Variants in NAALAD2 observed in about 807,000 individuals in gnomAD.
NAALAD2 encodes the protein N-acetylated-alpha-linked acidic dipeptidase 2.
In NAALAD2, 89 loss-of-function variants were observed where a neutral mutation model predicts 95.6. The observed-to-expected ratio is 0.93, with a 90% CI of 0.78 to 1.11. The LOEUF (loss-of-function observed/expected upper bound fraction) is 1.11. NAALAD2 is among the 50% of genes least tolerant of loss of function. NAALAD2 has a pLI of 0.00. For missense variants in NAALAD2, 894 were observed against 872.4 expected, an observed-to-expected ratio of 1.02 and a Z score of -0.31; for synonymous variants, 264 against 294.4, an observed-to-expected ratio of 0.90 and a Z score of 1.06.
At chr11:90,150,440 T>G in intron 4 of NAALAD2, 42 bp from the exon 5 acceptor site, 1 of 1,314,772 alleles carries the variant, frequency 7.6e-7, no homozygotes. Context: ...TTTTTTTTTC[T>G]TTAATTTTAG....
At chr11:90,154,414 C>A (rs1471608857) in intron 6 of NAALAD2, among the ~76,000 whole-genome samples, 1 of 151,874 alleles carries the variant, frequency 6.6e-6, no homozygotes, top group Non-Finnish European at 1.5e-5. Flanking sequence ...CATATGTTAT[C>A]ATTTACTTTT....
chr11:90,152,166 G>T (rs1951904630), intron 5 of NAALAD2, 132 bp from the exon 6 acceptor site: 1 of 767,906 alleles, frequency 1.3e-6, no homozygotes, highest in Non-Finnish European at 1.9e-6. Context: ...AAAGCCAAGA[G>T]AACTGAATGT....
At chr11:90,131,964 A>G (rs929555675), upstream of NAALAD2, 5 of 152,240 alleles carry the variant, frequency 3.3e-5, no homozygotes, top group African/African-American at 1.2e-4. Context: ...CCCTACGTCA[A>G]CAGTGTTGCT....
chr11:90,174,104 G>A (rs1340501112), intron 14 of NAALAD2, among the ~76,000 whole-genome samples, 189 bp downstream of exon 14: 1 of 152,116 alleles, frequency 6.6e-6, no homozygotes, highest in African/African-American at 2.4e-5. Context: ...GGCCGAGGCG[G>A]GTGGATCACC....
Position 90,134,839 on chromosome 11 carries a change from G to A in NAALAD2, c.81G>A (p.Val27=). The A allele has an allele frequency of 6.2e-7, 1 of 1,614,084 alleles. No individual in the cohort carries two copies. The highest frequency in any genetic ancestry group is 8.5e-7 in the Non-Finnish European group (1 of 1,179,968). Residue 27 remains valine, a splice_region_variant and synonymous_variant, in exon 1 of 19, where the codon GTG becomes GTA. Transcript: ENST00000534061. ...CATCTTTCCTGATGGGATTTATGGT[G>A]GGTAAGTGAACAAAACACTCTACCC... is the stretch of plus-strand genomic sequence containing the variant. ...ALASFLMGFM[V]GWFIKPLKET...
intron 15 of NAALAD2, 64 bp downstream of exon 15, chr11:90,176,126 A>T: frequency 7.6e-7 from 1 of 1,321,360 alleles, no homozygotes; most frequent in Non-Finnish European, 1.1e-6. Context: ...GAAGAATGTC[A>T]CTGAGTTGTT....
chr11:90,163,201 T>C, intron 9 of NAALAD2, 109 bp from the exon 10 acceptor site: 2 of 1,300,104 alleles, frequency 1.5e-6, no homozygotes, highest in Non-Finnish European at 2.1e-6. Context: ...TATAGTGTTG[T>C]CTTCTATAGA....
At chr11:90,138,576 G>A (rs574060231) in intron 2 of NAALAD2, among the ~76,000 whole-genome samples, 17 of 151,918 alleles carry the variant, frequency 1.1e-4, no homozygotes, top group Non-Finnish European at 1.8e-4. Flanking sequence ...TTGTTTTCTG[G>A]CATTGCTTCT....
rs1254648702 is a variant in NAALAD2, at chr11:90,177,864, G to C, written c.1605G>C (p.Lys535Asn). 2 of 1,612,184 alleles carry C rather than the reference G, an allele frequency of 1.2e-6. No homozygotes were observed. The highest frequency in any genetic ancestry group is 1.7e-6 in the Non-Finnish European group (2 of 1,179,404). ...CATTTTTTTTTCAGAAAACAGATAA[G>C]TACAGCAGCTACCCAGTGTACCACA... ...ARYTKNKKTD[K>N]YSSYPVYHTI... The change falls in exon 16 of 19, where the codon AAG becomes AAC. Residue 535 changes from lysine (K) to asparagine (N), a missense_variant. Physicochemically the swap from Lys to Asn is moderately conservative, Grantham distance 94. Coordinates refer to ENST00000534061, the MANE Select transcript of NAALAD2 (RefSeq NM_005467.4).
At position 90,155,712 on chromosome 11, in the gene NAALAD2, GTATGTATGTAATACATACATACA is replaced by G. The variant is rs1392907232; in HGVS notation, c.797-2422_797-2400del. ...ACATACATATGTATGTATTATTATT[GTATGTATGTAATACATACATACA>G]TATGTATGTATTATTACATATGTAT... On this transcript the variant is annotated intron_variant, in intron 6 of 18. Transcript: ENST00000534061. 2.6e-3 allele frequency among the ~76,000 whole-genome samples: 112 copies of G among 43,772 alleles called. 3 individuals are homozygous for G. The highest frequency in any genetic ancestry group is 0.023 in the East Asian group (37 of 1,634). The allele number at this position is 43,772 out of a possible 152,430, so 28.7% of individuals were successfully genotyped here.
chr11:90,139,128 A>T (rs1302425417), intron 2 of NAALAD2, among the ~76,000 whole-genome samples: 1 of 152,108 alleles, frequency 6.6e-6, no homozygotes, highest in Non-Finnish European at 1.5e-5. Flanking sequence ...ATACCAAAAG[A>T]ATTTTAAAAG....
intron 13 of NAALAD2, among the ~76,000 whole-genome samples, chr11:90,173,612 G>C (rs1714458069): frequency 6.6e-6 from 1 of 152,076 alleles, no homozygotes; most frequent in Admixed American, 6.5e-5. Flanking sequence ...AACACAGGTA[G>C]ACATCATGAA....
rs767708497 is a variant in NAALAD2 at position 90,163,001 on chromosome 11, G to A, written c.1042G>A (p.Val348Ile). ...CAATAAAATTACAAGGATTTACAAT[G>A]TAGTTGGAACTATCAGAGGATCTGT... ...NINKITRIYN[V>I]VGTIRGSVEP... Residue 348 changes from valine to isoleucine, a missense_variant, in exon 9 of 19, where the codon GTA (valine) becomes ATA (isoleucine). Coordinates refer to ENST00000534061, the MANE Select transcript of NAALAD2 (RefSeq NM_005467.4). 6.3e-7 allele frequency: 1 copy of A among 1,574,940 alleles called. No individual in the cohort carries two copies. The highest frequency in any genetic ancestry group is 1.2e-5 in the South Asian group (1 of 84,248).
chr11:90,155,304 T>C (rs1442708825), intron 6 of NAALAD2, among the ~76,000 whole-genome samples: 6 of 112,820 alleles, frequency 5.3e-5, no homozygotes, highest in Admixed American at 1.2e-4. Context: ...GTATATATAA[T>C]GTATATATTA....
chr11:90,187,671 G>A (rs1265805677), intron 18 of NAALAD2, among the ~76,000 whole-genome samples: 1 of 152,048 alleles, frequency 6.6e-6, no homozygotes, highest in African/African-American at 2.4e-5. Context: ...AAATGATCTT[G>A]TAAATCTTAT....
intron 6 of NAALAD2, among the ~76,000 whole-genome samples, chr11:90,155,471 TACATG>T (rs1952060603): frequency 9.1e-6 from 1 of 109,472 alleles, no homozygotes; most frequent in African/African-American, 3.7e-5. Flanking sequence ...ATATTACATA[TACATG>T]TATATATTAT....
intron 18 of NAALAD2, among the ~76,000 whole-genome samples, chr11:90,185,002 A>G (rs1857091873): frequency 6.6e-6 from 1 of 152,148 alleles, no homozygotes; most frequent in African/African-American, 2.4e-5. Context: ...GATTTAAAGT[A>G]TCTGGGAGGA....
Position 90,163,314 on chromosome 11 carries a change from G to A in NAALAD2, c.1080G>A (p.Arg360=). Residue 360 remains arginine, a synonymous_variant, in exon 10 of 19, where the codon AGG becomes AGA. Coordinates refer to ENST00000534061, the MANE Select transcript of NAALAD2 (RefSeq NM_005467.4). The stretch of plus-strand genomic sequence containing the variant: ...CTTGAACGTATTATTTTCCAGACAG[G>A]TATGTTATTCTGGGAGGTCACCGGG... ...GTIRGSVEPD[R]YVILGGHRDS... The A allele has an allele frequency of 6.2e-7, 1 of 1,612,978 alleles. No homozygotes were observed. The highest frequency in any genetic ancestry group is 8.5e-7 in the Non-Finnish European group (1 of 1,179,348).
At chr11:90,162,798 T>C in intron 8 of NAALAD2, 151 bp from the exon 9 acceptor site, 1 of 483,802 alleles carries the variant, frequency 2.1e-6, no homozygotes, top group Non-Finnish European at 3.7e-6. Context: ...TTAACAATTA[T>C]TGAATTTAGG....
Sources: gnomAD v4.1 joint callset for allele counts (sites outside exome capture counted in the v4.1 genomes callset) on GRCh38, gnomAD v4.1.1 for gene constraint, MANE v1.5 for transcripts, NCBI Gene and HGNC (gene_info 2026-07-23, HGNC 2026-07-21) for gene names.